CHRM2: variants seen among roughly 807,000 people sequenced by gnomAD.
The protein encoded by CHRM2 is cholinergic receptor muscarinic 2, also known as muscarinic acetylcholine receptor M2.
In CHRM2, 8 loss-of-function variants were observed where a neutral mutation model predicts 25.0. The observed-to-expected ratio is 0.32, with a 90% confidence interval of 0.19 to 0.58. The LOEUF (loss-of-function observed/expected upper bound fraction) is 0.58, where lower values mean the gene tolerates loss of function less well. Ranked by LOEUF, CHRM2 falls within the 20% of genes least tolerant of loss-of-function variation. The pLI is 0.88. For synonymous variants in CHRM2, 202 were observed against 205.7 expected (o/e 0.98, Z 0.15); for missense variants, 440 against 567.1 (o/e 0.78, Z 2.28).
chr7:136,999,423 T>G (rs967358630), intron 3 of CHRM2, among the ~76,000 whole-genome samples: 8 of 152,200 alleles, frequency 5.3e-5, no homozygotes, highest in East Asian at 3.9e-4. Context: ...ACTTTAAGTT[T>G]TAGGGTACAT....
At chr7:136,884,222 C>G (rs1796372436) in intron 2 of CHRM2, among the ~76,000 whole-genome samples, 1 of 152,098 alleles carries the variant, frequency 6.6e-6, no homozygotes, top group Non-Finnish European at 1.5e-5. Flanking sequence ...AAAACGACAT[C>G]AAAATCTGCT....
chr7:136,991,207 C>A (rs1420318704), intron 2 of CHRM2, among the ~76,000 whole-genome samples: 1 of 151,966 alleles, frequency 6.6e-6, no homozygotes, highest in African/African-American at 2.4e-5. Flanking sequence ...ATCACCATAC[C>A]CAAAGTCATG....
chr7:136,928,009 AG>A (rs1427301605), intron 2 of CHRM2, among the ~76,000 whole-genome samples: 1 of 152,200 alleles, frequency 6.6e-6, no homozygotes, highest in Non-Finnish European at 1.5e-5. Context: ...TTCATATATC[AG>A]CTCTTTTCCC....
chr7:136,994,260 G>C (rs1803425177), intron 3 of CHRM2, among the ~76,000 whole-genome samples: 1 of 152,174 alleles, frequency 6.6e-6, no homozygotes, highest in African/African-American at 2.4e-5. Context: ...TGGTGTTTCA[G>C]AAGAGTCAGT....
chr7:136,937,558 G>A (rs1223588377), intron 2 of CHRM2, among the ~76,000 whole-genome samples: 1 of 152,128 alleles, frequency 6.6e-6, no homozygotes, highest in Admixed American at 6.6e-5. Context: ...CCACAGTAGA[G>A]TCAGAGCAGT....
At chr7:136,991,195 T>C (rs548945798) in intron 2 of CHRM2, among the ~76,000 whole-genome samples, 13 of 152,254 alleles carry the variant, frequency 8.5e-5, no homozygotes, top group African/African-American at 2.9e-4. Context: ...ATTTTAAAAG[T>C]CATCACCATA....
At chr7:136,938,327 T>G in intron 2 of CHRM2, 2 of 1,460,712 alleles carry the variant, frequency 1.4e-6, no homozygotes, top group Admixed American at 3.3e-5. Context: ...TTGTCCATGT[T>G]GCTCCGAGTC....
intron 3 of CHRM2, 86 bp downstream of exon 3, chr7:136,992,350 G>T (rs1803286410): frequency 6.6e-6 from 1 of 152,060 alleles, no homozygotes; most frequent in South Asian, 2.1e-4. Flanking sequence ...ATAATCCTTT[G>T]GAAAGGTAAA....
At chr7:136,870,882 C>T (rs1795801871) in intron 2 of CHRM2, 1 of 152,384 alleles carries the variant, frequency 6.6e-6, no homozygotes, top group African/African-American at 2.4e-5. Context: ...GAATCCCCCA[C>T]ATCGACTTTC....
chr7:136,954,612 G>C (rs1800610014), intron 2 of CHRM2, among the ~76,000 whole-genome samples: 1 of 151,978 alleles, frequency 6.6e-6, no homozygotes, highest in Non-Finnish European at 1.5e-5. Flanking sequence ...TGAGTTCATG[G>C]AACTATAAAC....
intron 2 of CHRM2, among the ~76,000 whole-genome samples, chr7:136,984,161 C>G (rs750848584): frequency 6.6e-6 from 1 of 152,164 alleles, no homozygotes; most frequent in Non-Finnish European, 1.5e-5. Context: ...TCTAGAGAGG[C>G]AGTCTGGCTA....
intron 3 of CHRM2, among the ~76,000 whole-genome samples, chr7:137,011,603 A>G (rs1056363323): frequency 6.6e-6 from 1 of 151,970 alleles, no homozygotes; most frequent in African/African-American, 2.4e-5. Flanking sequence ...ATTCACACTC[A>G]AACACGAATT....
At chr7:136,921,408 A>T (rs543800199) in intron 2 of CHRM2, among the ~76,000 whole-genome samples, 1 of 152,182 alleles carries the variant, frequency 6.6e-6, no homozygotes, top group East Asian at 1.9e-4. Flanking sequence ...AGCTTACATG[A>T]TCTCTTAAAA....
intron 2 of CHRM2, among the ~76,000 whole-genome samples, chr7:136,887,327 C>T (rs528394440): frequency 4.9e-4 from 41 of 83,016 alleles, no homozygotes; most frequent in South Asian, 1.8e-3. Context: ...TCACCTTATT[C>T]GCTTTTCACA....
chr7:136,872,226 G>A (rs886312068), intron 2 of CHRM2, among the ~76,000 whole-genome samples: 1 of 152,136 alleles, frequency 6.6e-6, no homozygotes, highest in Non-Finnish European at 1.5e-5. Flanking sequence ...AGGGTGCCTG[G>A]AGGCAAATTG....
chr7:137,009,794 A>G (rs530450369), intron 3 of CHRM2, among the ~76,000 whole-genome samples: 1 of 152,198 alleles, frequency 6.6e-6, no homozygotes, highest in South Asian at 2.1e-4. Context: ...ATTATGCTCA[A>G]GACATGTTAA....
intron 3 of CHRM2, among the ~76,000 whole-genome samples, chr7:137,012,978 C>T (rs1804922804): frequency 6.6e-6 from 1 of 151,930 alleles, no homozygotes; most frequent in Non-Finnish European, 1.5e-5. Flanking sequence ...GGATTTGCAT[C>T]TTTAAACTGT....
chr7:137,014,699 T>C, intron 3 of CHRM2, 121 bp from the exon 4 acceptor site: 1 of 692,750 alleles, frequency 1.4e-6, no homozygotes, highest in South Asian at 1.9e-5. Flanking sequence ...GTAGACACAG[T>C]AATCATGCAG....
chr7:136,891,334 C>T (rs557759758), intron 2 of CHRM2, among the ~76,000 whole-genome samples: 2 of 152,264 alleles, frequency 1.3e-5, no homozygotes, highest in African/African-American at 2.4e-5. Context: ...TCAGACTTTC[C>T]TTGTTTTCAG....
Sources: gnomAD v4.1 joint callset for allele counts (sites outside exome capture counted in the v4.1 genomes callset) on GRCh38, gnomAD v4.1.1 for gene constraint, MANE v1.5 for transcripts, NCBI Gene and HGNC (gene_info 2026-07-23, HGNC 2026-07-21) for gene names.